Variants in PLPPR1 observed in about 807,000 individuals in gnomAD.
The protein encoded by PLPPR1 is phospholipid phosphatase-related protein type 1.
PLPPR1 carries 10 observed loss-of-function variants against 33.1 expected under a neutral mutation model. The observed-to-expected ratio is 0.30, with a 90% CI of 0.19 to 0.51. The LOEUF is 0.51. PLPPR1 is among the 20% of genes least tolerant of loss of function. The probability of loss-of-function intolerance (pLI) is 0.97; values close to 1 mark genes in which losing one functional copy is unlikely to be tolerated. For synonymous variants in PLPPR1, 151 were observed against 151.0 expected, an observed-to-expected ratio of 1.00 and a Z score of 0.00; for missense variants, 304 against 408.1, an observed-to-expected ratio of 0.74 and a Z score of 2.20.
intron 1 of PLPPR1, among the ~76,000 whole-genome samples, chr9:101,079,235 A>C (rs1236827560): frequency 1.3e-5 from 2 of 152,136 alleles, no homozygotes; most frequent in Non-Finnish European, 1.5e-5. Flanking sequence ...CAGGCTGCAT[A>C]CATTTTATTC....
At chr9:101,094,098 C>A (rs976174653) in intron 1 of PLPPR1, among the ~76,000 whole-genome samples, 1 of 152,158 alleles carries the variant, frequency 6.6e-6, no homozygotes, top group African/African-American at 2.4e-5. Context: ...TGCCACTCTC[C>A]GGATATTCTT....
chr9:101,164,619 C>A (rs763373983), intron 1 of PLPPR1, among the ~76,000 whole-genome samples: 7 of 152,036 alleles, frequency 4.6e-5, no homozygotes, highest in Non-Finnish European at 8.8e-5. Flanking sequence ...CTACCTGCCT[C>A]GGCCTCCCAA....
chr9:101,266,081 C>G (rs1028515670), intron 2 of PLPPR1, among the ~76,000 whole-genome samples: 2 of 151,678 alleles, frequency 1.3e-5, no homozygotes, highest in African/African-American at 4.8e-5. Context: ...TTCTGTGCAT[C>G]TCTAAATAGC....
intron 2 of PLPPR1, among the ~76,000 whole-genome samples, chr9:101,208,162 C>G (rs1826623164): frequency 1.3e-5 from 2 of 152,188 alleles, no homozygotes; most frequent in African/African-American, 4.8e-5. Flanking sequence ...ATATTGGTTC[C>G]AGTAGGCTGT....
chr9:101,308,046 C>G (rs539578829), intron 4 of PLPPR1, among the ~76,000 whole-genome samples: 2 of 152,234 alleles, frequency 1.3e-5, no homozygotes, highest in South Asian at 4.1e-4. Flanking sequence ...AAATAAAATC[C>G]AGGAAGTATA....
rs112378075 is a variant in PLPPR1 at position 101,213,105 on chromosome 9, T to C, written c.63+27548T>C. On this transcript the variant is annotated intron_variant, in intron 2 of 7. Coordinates refer to ENST00000374874, the MANE Select transcript of PLPPR1 (RefSeq NM_207299.2). ...TGAATTAAATTGCCCAAGATGATTATAGCTAATGGTGAAACTAGGGTTCAA... is the reference window on the plus strand; with the variant it reads ...TGAATTAAATTGCCCAAGATGATTACAGCTAATGGTGAAACTAGGGTTCAA... Among the ~76,000 whole-genome samples the C allele has an allele frequency of 2.3e-3, 356 of 152,302 alleles. 3 individuals are homozygous for C. Among genetic ancestry groups the C allele is most frequent in the African/African-American group, 8.2e-3 (341 of 41,582 alleles).
rs77445481 is a variant in PLPPR1, at chr9:101,042,740, T to C, written c.-46+13638T>C. On this transcript the variant is annotated intron_variant, in intron 1 of 7. Transcript: ENST00000374874. ...AATGAAATTATAATTCCCAGGGTAA[T>C]ATTCTGTAAATGAGAATGATTTAAA... 4.7e-3 allele frequency among the ~76,000 whole-genome samples: 723 copies of C among 152,358 alleles called. 7 individuals are homozygous for C. Among genetic ancestry groups the C allele is most frequent in the African/African-American group, 0.017 (690 of 41,578 alleles).
At chr9:101,072,075 A>C (rs928640753) in intron 1 of PLPPR1, among the ~76,000 whole-genome samples, 18 of 152,118 alleles carry the variant, frequency 1.2e-4, no homozygotes, top group African/African-American at 3.9e-4. Flanking sequence ...GAGAGAGAAG[A>C]AGCTGGGAGA....
intron 1 of PLPPR1, chr9:101,125,820 G>A: frequency 1.5e-6 from 1 of 687,732 alleles, no homozygotes; most frequent in Non-Finnish European, 2.4e-6. Flanking sequence ...TGTTGTGAAG[G>A]CTTCATTTTG....
At chr9:101,255,673 C>T (rs923584599) in intron 2 of PLPPR1, among the ~76,000 whole-genome samples, 5 of 152,042 alleles carry the variant, frequency 3.3e-5, no homozygotes, top group Admixed American at 3.3e-4. Context: ...TATCAAACAC[C>T]AGGTTTCATT....
At chr9:101,303,704 C>A (rs1265520445) in intron 4 of PLPPR1, among the ~76,000 whole-genome samples, 1 of 152,194 alleles carries the variant, frequency 6.6e-6, no homozygotes, top group Non-Finnish European at 1.5e-5. Flanking sequence ...AGCTTTTCAA[C>A]ATAGATGCAG....
chr9:101,259,576 C>T (rs1827860075), intron 2 of PLPPR1, among the ~76,000 whole-genome samples: 1 of 152,144 alleles, frequency 6.6e-6, no homozygotes, highest in African/African-American at 2.4e-5. Context: ...GAACCCCATA[C>T]ATCTAAGACA....
intron 2 of PLPPR1, among the ~76,000 whole-genome samples, chr9:101,255,715 G>A (rs1386605160): frequency 6.6e-6 from 1 of 152,170 alleles, no homozygotes; most frequent in Non-Finnish European, 1.5e-5. Context: ...ATGAGTTCCT[G>A]AGGAGCTTGC....
chr9:101,132,439 A>G (rs118110034), intron 1 of PLPPR1, among the ~76,000 whole-genome samples: 2,052 of 152,304 alleles, frequency 0.013, 41 homozygotes, highest in East Asian at 0.044. Flanking sequence ...TTTCAACTAT[A>G]TGTCATTCTG....
intron 6 of PLPPR1, among the ~76,000 whole-genome samples, chr9:101,316,159 G>A (rs1410879831): frequency 6.6e-6 from 1 of 151,994 alleles, no homozygotes; most frequent in East Asian, 1.9e-4. Flanking sequence ...TAGGGTCCTC[G>A]GGCGCGGTGG....
intron 2 of PLPPR1, among the ~76,000 whole-genome samples, chr9:101,188,361 G>A (rs535729694): frequency 7.4e-4 from 113 of 152,084 alleles, no homozygotes; most frequent in Non-Finnish European, 1.1e-3. Flanking sequence ...TTTCTTTGAA[G>A]AAATTTTAAA....
At chr9:101,320,856 A>G (rs1829138608) in intron 7 of PLPPR1, among the ~76,000 whole-genome samples, 1 of 152,232 alleles carries the variant, frequency 6.6e-6, no homozygotes, top group Admixed American at 6.5e-5. Context: ...AAGGTCACCC[A>G]GTCAAAATTA....
intron 2 of PLPPR1, among the ~76,000 whole-genome samples, chr9:101,195,507 T>C (rs755867701): frequency 6.6e-6 from 1 of 152,094 alleles, no homozygotes; most frequent in Non-Finnish European, 1.5e-5. Context: ...GCATTCCCTG[T>C]CACTAAAGAG....
At chr9:101,205,059 A>G (rs1029252196) in intron 2 of PLPPR1, among the ~76,000 whole-genome samples, 3 of 152,168 alleles carry the variant, frequency 2.0e-5, no homozygotes, top group African/African-American at 7.2e-5. Flanking sequence ...AGAAGAAAGA[A>G]TGGAGTCATT....
Sources: gnomAD v4.1 joint callset for allele counts (sites outside exome capture counted in the v4.1 genomes callset) on GRCh38, gnomAD v4.1.1 for gene constraint, MANE v1.5 for transcripts, NCBI Gene and HGNC (gene_info 2026-07-23, HGNC 2026-07-21) for gene names.